CYP26A1: variants seen among roughly 807,000 people sequenced by gnomAD.
The protein encoded by CYP26A1 is cytochrome P450 26A1.
In CYP26A1, 46 loss-of-function variants were observed where a neutral mutation model predicts 47.4. The observed-to-expected ratio is 0.97, with a 90% CI of 0.77 to 1.24. The LOEUF is 1.24. CYP26A1 is among the 50% of genes most tolerant of loss of function. CYP26A1 has a pLI of 0.00. For missense variants in CYP26A1, 680 were observed against 644.4 expected, an observed-to-expected ratio of 1.06 and a Z score of -0.60; for synonymous variants, 277 against 263.7, an observed-to-expected ratio of 1.05 and a Z score of -0.49.
chr10:93,074,468 G>T lies in CYP26A1; in HGVS notation c.350G>T (p.Arg117Leu). Residue 117 changes from arginine to leucine, a missense_variant, in exon 2 of 7, where the codon CGC becomes CTC. By Grantham distance (102) the Arg-to-Leu change is moderately radical. Transcript: ENST00000224356. This position sits in a 1 kb window ranked among gnomAD's most constrained non-coding sequence, Gnocchi z 5.3. ...TCGGTCCACTGGCCAGCGTCGGTGC[G>T]CACCATTCTGGGATCTGGCTGCCTC... ...LVSVHWPASVRTILGSGCLSN... is the reference protein window; with the variant it reads ...LVSVHWPASVLTILGSGCLSN... 1.2e-5 allele frequency: 19 copies of T among 1,611,734 alleles called. No homozygotes were observed. Among genetic ancestry groups the T allele is most frequent in the East Asian group, 2.2e-5 (1 of 44,848 alleles).
rs372180164 is a variant in CYP26A1 at position 93,074,072 on chromosome 10, C to T, written c.138C>T (p.Pro46=). 7.2e-7 allele frequency: 1 copy of T among 1,381,132 alleles called. No individual in the cohort carries two copies. Among genetic ancestry groups the T allele is most frequent in the Non-Finnish European group, 9.7e-7 (1 of 1,033,746 alleles). The allele number at this position is 1,381,132 out of a possible 1,614,324, so 85.6% of individuals were successfully genotyped here. ...GCAGTTGTGCCCTCCCATTGCCCCC[C>T]GGGACTATGGGCTTCCCCTTCTTTG... ...RDRSCALPLP[P]GTMGFPFFGE... Residue 46 remains proline (P), a synonymous_variant, in exon 1 of 7, where the codon CCC becomes CCT. Transcript: ENST00000224356. The surrounding 1 kb of genome is among the most constrained non-coding windows in gnomAD (Gnocchi z 5.3).
chr10:93,074,921 T>A lies in CYP26A1; in HGVS notation c.557T>A (p.Phe186Tyr). The change falls in exon 3 of 7, where the codon TTC becomes TAC. Residue 186 changes from phenylalanine to tyrosine, a missense_variant. Phe to Tyr is a conservative substitution (Grantham distance 22). Coordinates refer to ENST00000224356, the MANE Select transcript of CYP26A1 (RefSeq NM_000783.4). The surrounding 1 kb of genome is among the most constrained non-coding windows in gnomAD (Gnocchi z 5.3). ...TACCCCGAGGTGAAGCGCCTCATGT[T>A]CCGAATCGCCATGCGCATCCTACTG... ...LVYPEVKRLM[F>Y]RIAMRILLGC... The A allele has an allele frequency of 6.2e-7, 1 of 1,613,268 alleles. No individual in the cohort carries two copies. Among genetic ancestry groups the A allele is most frequent in the Non-Finnish European group, 8.5e-7 (1 of 1,180,040 alleles).
At position 93,074,046 on chromosome 10, in the gene CYP26A1, C is replaced by A. The variant is rs367989867; in HGVS notation, c.112C>A (p.Arg38Ser). ...WDLYCVSGRD[R>S]SCALPLPPGT... Reference sequence around the variant, plus strand: ...CCTGTACTGCGTGAGCGGCCGCGACCGCAGTTGTGCCCTCCCATTGCCCCC... The same window carrying A: ...CCTGTACTGCGTGAGCGGCCGCGACAGCAGTTGTGCCCTCCCATTGCCCCC... Residue 38 changes from arginine (R) to serine (S), a missense_variant, in exon 1 of 7, where the codon CGC (arginine) becomes AGC (serine). By Grantham distance (110) the Arg-to-Ser change is moderately radical. Coordinates refer to ENST00000224356, the MANE Select transcript of CYP26A1 (RefSeq NM_000783.4). The surrounding 1 kb of genome is among the most constrained non-coding windows in gnomAD (Gnocchi z 5.3). The A allele has an allele frequency of 6.8e-6, 11 of 1,606,746 alleles. No homozygotes were observed. In the African/African-American group the frequency reaches 8.0e-5, roughly 12 times the overall value.
Position 93,077,150 on chromosome 10 carries a change from T to G in CYP26A1, c.1340T>G (p.Phe447Cys). 1.2e-6 allele frequency: 2 copies of G among 1,613,934 alleles called. No homozygotes were observed. Among genetic ancestry groups the G allele is most frequent in the Non-Finnish European group, 1.7e-6 (2 of 1,179,874 alleles). Reference sequence around the variant, plus strand: ...CTTAGGAGCTGTGTAGGCAAAGAATTTGCAAAAATTCTTCTCAAAATATTT... The same window carrying G: ...CTTAGGAGCTGTGTAGGCAAAGAATGTGCAAAAATTCTTCTCAAAATATTT... ...GGLRSCVGKE[F>C]AKILLKIFTV... Residue 447 changes from phenylalanine to cysteine, a missense_variant, in exon 7 of 7, where the codon TTT becomes TGT. Phe to Cys is a radical substitution (Grantham distance 205). Coordinates refer to ENST00000224356, the MANE Select transcript of CYP26A1 (RefSeq NM_000783.4).
Position 93,075,891 on chromosome 10 carries a change from A to C in CYP26A1, c.930A>C (p.Thr310=). Residue 310 remains threonine (T), a synonymous_variant, in exon 5 of 7, where the codon ACA becomes ACC. Transcript: ENST00000224356. ...ACGAAACCACGGCCAGTGCAGCCAC[A>C]TCTCTGATCACTTACCTGGGGCTCT... ...GGHETTASAA[T]SLITYLGLYP... The C allele has an allele frequency of 1.2e-6, 2 of 1,611,476 alleles. No individual in the cohort carries two copies. Among genetic ancestry groups the C allele is most frequent in the Non-Finnish European group, 1.7e-6 (2 of 1,177,572 alleles).
Position 93,075,020 on chromosome 10 carries a change from G to T in CYP26A1, c.656G>T (p.Arg219Leu), listed in dbSNP as rs1480818221. The T allele has an allele frequency of 1.1e-5, 18 of 1,613,082 alleles. No individual in the cohort carries two copies. In the East Asian group the frequency reaches 2.5e-4, roughly 22 times the overall value. The change falls in exon 3 of 7, where the codon CGC becomes CTC. Residue 219 changes from arginine to leucine, a missense_variant. Transcript: ENST00000224356. Reference sequence around the variant, plus strand: ...GTGGAGGCCTTCGAGGAAATGACCCGCAATCTCTTCTCGCTGCCCATCGAC... The same window carrying T: ...GTGGAGGCCTTCGAGGAAATGACCCTCAATCTCTTCTCGCTGCCCATCGAC... ...QLVEAFEEMT[R>L]NLFSLPIDVP...
At chr10:93,073,567 A>C, upstream of CYP26A1, 11 of 248,682 alleles carry the variant, frequency 4.4e-5, no homozygotes, top group East Asian at 9.7e-5. Context: ...ACCGCCGGGA[A>C]GGCTAGAGCT....
chr10:93,075,057 C>G lies in CYP26A1; in HGVS notation c.693C>G (p.Ser231Arg). 5 of 1,612,630 alleles carry G rather than the reference C, an allele frequency of 3.1e-6. No homozygotes were observed. Among genetic ancestry groups the G allele is most frequent in the Non-Finnish European group, 4.2e-6 (5 of 1,179,730 alleles). Reference sequence around the variant, plus strand: ...CGCTGCCCATCGACGTGCCCTTCAGCGGGCTGTACCGGGTAAGGGCGGCAA... The same window carrying G: ...CGCTGCCCATCGACGTGCCCTTCAGGGGGCTGTACCGGGTAAGGGCGGCAA... The part of the protein sequence containing the change: ...LFSLPIDVPF[S>R]GLYRGMKARN... The change falls in exon 3 of 7, where the codon AGC becomes AGG. Residue 231 changes from serine (S) to arginine (R), a missense_variant. Ser to Arg is a moderately radical substitution (Grantham distance 110, BLOSUM62 -1). Coordinates refer to ENST00000224356, the MANE Select transcript of CYP26A1 (RefSeq NM_000783.4).
In CYP26A1 at chr10:93,075,237, A is replaced by G. The variant is rs574653043; in HGVS notation, c.794A>G (p.Gln265Arg). The G allele has an allele frequency of 3.3e-5, 54 of 1,614,046 alleles. No homozygotes were observed. In the Admixed American group the frequency reaches 5.0e-4, roughly 15 times the overall value. The change falls in exon 4 of 7, where the codon CAG (glutamine) becomes CGG (arginine). Residue 265 changes from glutamine to arginine, a missense_variant. Coordinates refer to ENST00000224356, the MANE Select transcript of CYP26A1 (RefSeq NM_000783.4). ...ICGLRASEAG[Q>R]GCKDALQLLI... The stretch of plus-strand genomic sequence containing the variant: ...GGGCTGCGGGCATCCGAGGCGGGCC[A>G]GGGCTGCAAAGACGCGCTGCAGCTG...
At chr10:93,076,910 T>C (rs1846985120) in intron 6 of CYP26A1, 53 bp from the exon 7 acceptor site, 3 of 1,265,062 alleles carry the variant, frequency 2.4e-6, no homozygotes, top group Non-Finnish European at 2.2e-6. Context: ...CTTTTTGTTG[T>C]TGAAAGTTAA....
rs1846980207 is a variant in CYP26A1 at position 93,076,593 on chromosome 10, T to C, written c.1049T>C (p.Leu350Ser). Residue 350 changes from leucine to serine, a missense_variant, in exon 6 of 7, where the codon TTG (leucine) becomes TCG (serine). By Grantham distance (145) the Leu-to-Ser change is moderately radical. Coordinates refer to ENST00000224356, the MANE Select transcript of CYP26A1 (RefSeq NM_000783.4). ...GACAACAAGTTGGACATGGAAATTT[T>C]GGAACAACTTAAATACATCGGGTGT... ...NQDNKLDMEILEQLKYIGCVI... is the reference protein window; with the variant it reads ...NQDNKLDMEISEQLKYIGCVI... 6.2e-7 allele frequency: 1 copy of C among 1,608,010 alleles called. No homozygotes were observed. Among genetic ancestry groups the C allele is most frequent in the Non-Finnish European group, 8.5e-7 (1 of 1,174,884 alleles).
At position 93,074,203 on chromosome 10, in the gene CYP26A1, GC is replaced by G; in HGVS notation, c.189+85del. On this transcript the variant is annotated intron_variant, in intron 1 of 6. Transcript: ENST00000224356. This position sits in a 1 kb window ranked among gnomAD's most constrained non-coding sequence, Gnocchi z 5.3. ...GGCTTCTGCTGAAGTCGGGGTAGGC[GC>G]CCCCGGGAGGCATGCTATTGCGGCT... 7 of 1,515,396 alleles carry G rather than the reference GC, an allele frequency of 4.6e-6. No homozygotes were observed. Among genetic ancestry groups the G allele is most frequent in the Admixed American group, 2.0e-5 (1 of 49,154 alleles). 93.9% of individuals were successfully genotyped at this position (1,515,396 alleles called of 1,614,324 possible). A position where few individuals can be genotyped will look rare whatever the true frequency, so the allele number is the denominator to read the frequency against.
At chr10:93,076,765 T>C (rs146877756) in intron 6 of CYP26A1, 69 bp downstream of exon 6, 88 of 1,205,278 alleles carry the variant, frequency 7.3e-5, no homozygotes, top group Middle Eastern at 2.2e-4. Context: ...CCCTATGCTG[T>C]GGCTGCAATT....
chr10:93,075,135 C>T lies in CYP26A1; in HGVS notation c.706-14C>T, dbSNP rs376763082. The T allele has an allele frequency of 1.1e-5, 18 of 1,611,790 alleles. No homozygotes were observed. In the African/African-American group the frequency reaches 2.3e-4, roughly 20 times the overall value. On this transcript the variant is annotated splice_polypyrimidine_tract_variant and intron_variant, in intron 3 of 6. Transcript: ENST00000224356. ...CTGGGCGTCTGCTCACCGCCGCGCG[C>T]TCTCTGCGCTCAGGGCATGAAGGCG...
In CYP26A1 at chr10:93,074,676, G is replaced by A; in HGVS notation, c.415-103G>A. On this transcript the variant is annotated intron_variant, in intron 2 of 6. Transcript: ENST00000224356. This position sits in a 1 kb window ranked among gnomAD's most constrained non-coding sequence, Gnocchi z 5.3. Reference sequence around the variant, plus strand: ...TCCAGGTTAGCTTTCCCAGCTCGGAGAGTGCCATGTGTCTGGCAGGACTGG... The same window carrying A: ...TCCAGGTTAGCTTTCCCAGCTCGGAAAGTGCCATGTGTCTGGCAGGACTGG... 8.7e-7 allele frequency: 1 copy of A among 1,147,846 alleles called. No homozygotes were observed. Among genetic ancestry groups the A allele is most frequent in the Admixed American group, 1.9e-5 (1 of 54,014 alleles). 71.1% of individuals were successfully genotyped at this position (1,147,846 alleles called of 1,614,324 possible). A position where few individuals can be genotyped will look rare whatever the true frequency, so the allele number is the denominator to read the frequency against.
At chr10:93,075,332 A>G (rs1404418962) in intron 4 of CYP26A1, 25 bp downstream of exon 4, 5 of 1,604,028 alleles carry the variant, frequency 3.1e-6, no homozygotes, top group South Asian at 2.2e-5. Context: ...CAGACCAGGC[A>G]CTGCGGAGTT....
In CYP26A1 at chr10:93,076,713, T is replaced by G; in HGVS notation, c.1152+17T>G. 5.1e-6 allele frequency: 8 copies of G among 1,574,604 alleles called. No homozygotes were observed. The highest frequency in any genetic ancestry group is 6.9e-6 in the Non-Finnish European group (8 of 1,155,092). On this transcript the variant is annotated intron_variant, in intron 6 of 6. Coordinates refer to ENST00000224356, the MANE Select transcript of CYP26A1 (RefSeq NM_000783.4). ...GAATTAAATGTAAGTTAAAATTCTCTTCTTTCTCCCTTTTGTTGTGGTTTA... is the reference window on the plus strand; with the variant it reads ...GAATTAAATGTAAGTTAAAATTCTCGTCTTTCTCCCTTTTGTTGTGGTTTA...
chr10:93,074,789 G>A lies in CYP26A1; in HGVS notation c.425G>A (p.Arg142Gln), dbSNP rs1439834335. ...SHKQRKKVIM[R>Q]AFSREALECY... ...CTCCTCGGGACTCAGGTGATTATGC[G>A]GGCCTTCAGCCGCGAGGCACTCGAA... is the stretch of plus-strand genomic sequence containing the variant. Residue 142 changes from arginine (R) to glutamine (Q), a missense_variant, in exon 3 of 7, where the codon CGG becomes CAG. Arg to Gln is a conservative substitution (Grantham distance 43, BLOSUM62 1). Transcript: ENST00000224356. The surrounding 1 kb of genome is among the most constrained non-coding windows in gnomAD (Gnocchi z 5.3). 6.2e-7 allele frequency: 1 copy of A among 1,603,856 alleles called. No individual in the cohort carries two copies. Among genetic ancestry groups the A allele is most frequent in the Middle Eastern group, 1.7e-4 (1 of 6,050 alleles).
Position 93,074,381 on chromosome 10 carries a change from C to T in CYP26A1, c.263C>T (p.Thr88Ile). The T allele has an allele frequency of 1.2e-6, 2 of 1,612,074 alleles. No homozygotes were observed. The highest frequency in any genetic ancestry group is 8.5e-7 in the Non-Finnish European group (1 of 1,178,796). The change falls in exon 2 of 7, where the codon ACC (threonine) becomes ATC (isoleucine). Residue 88 changes from threonine to isoleucine, a missense_variant. By Grantham distance (89) the Thr-to-Ile change is moderately conservative (BLOSUM62 -1). Coordinates refer to ENST00000224356, the MANE Select transcript of CYP26A1 (RefSeq NM_000783.4). This position sits in a 1 kb window ranked among gnomAD's most constrained non-coding sequence, Gnocchi z 5.3. ...AAGACGCATCTGTTCGGGCGGCCCACCGTACGGGTGATGGGCGCGGACAAT... is the reference window on the plus strand; with the variant it reads ...AAGACGCATCTGTTCGGGCGGCCCATCGTACGGGTGATGGGCGCGGACAAT... The part of the protein sequence containing the change: ...IYKTHLFGRP[T>I]VRVMGADNVR...
Sources: gnomAD v4.1 joint callset for allele counts on GRCh38, gnomAD v4.1.1 for gene constraint, Gnocchi (gnomAD v3.1) non-coding constraint, MANE v1.5 for transcripts, NCBI Gene and HGNC (gene_info 2026-07-23, HGNC 2026-07-21) for gene names.